FBXL17: variants seen among roughly 807,000 people sequenced by gnomAD.
FBXL17 encodes the protein F-box/LRR-repeat protein 17.
Under a neutral mutation model 66.2 loss-of-function variants are expected in FBXL17, and 22 were observed. That is an observed-to-expected ratio of 0.33 (90% CI 0.24 to 0.47). FBXL17 has a LOEUF of 0.47. Among genes scored for constraint, FBXL17 ranks in the 20% least tolerant of loss-of-function variants. The probability of loss-of-function intolerance (pLI) is 1.00; values close to 1 mark genes in which losing one functional copy is unlikely to be tolerated. For missense variants in FBXL17, 878 were observed against 948.2 expected, an observed-to-expected ratio of 0.93 and a Z score of 0.97; for synonymous variants, 474 against 400.5, an observed-to-expected ratio of 1.18 and a Z score of -2.19.
At chr5:108,342,063 A>C (rs1746917159) in intron 4 of FBXL17, among the ~76,000 whole-genome samples, 1 of 152,072 alleles carries the variant, frequency 6.6e-6, no homozygotes, top group Admixed American at 6.6e-5. Flanking sequence ...ATTCTTCGAC[A>C]CCTCTCACAG....
chr5:107,871,407 C>G (rs1333991494), intron 8 of FBXL17, among the ~76,000 whole-genome samples: 1 of 152,202 alleles, frequency 6.6e-6, no homozygotes, highest in Non-Finnish European at 1.5e-5. Flanking sequence ...GCTTGCTAAC[C>G]TGAAGCCTCT....
chr5:107,975,244 C>G (rs1752533269), intron 7 of FBXL17, among the ~76,000 whole-genome samples: 1 of 152,112 alleles, frequency 6.6e-6, no homozygotes, highest in Admixed American at 6.6e-5. Flanking sequence ...CTCATTAGCA[C>G]ATCCAGGATA....
Position 108,380,963 on chromosome 5 carries a change from G to A in FBXL17, c.729C>T (p.Pro243=). The A allele has an allele frequency of 2.5e-6, 3 of 1,218,348 alleles. No individual in the cohort carries two copies. In the Middle Eastern group the frequency reaches 9.4e-4, roughly 384 times the overall value. The allele number at this position is 1,218,348 out of a possible 1,614,324, so 75.5% of individuals were successfully genotyped here. The part of the protein sequence containing the change: ...AGGGASPPRP[P]DAGCCQAPEQ... ...CCGGGGCCTGGCAGCAGCCGGCGTC[G>A]GGGGGCCGGGGCGGCGAAGCGCCTC... The change falls in exon 1 of 9, where the codon CCC becomes CCT. Residue 243 remains proline, a synonymous_variant. Transcript: ENST00000542267.
chr5:108,338,004 A>G (rs981820301), intron 4 of FBXL17, among the ~76,000 whole-genome samples: 8 of 152,104 alleles, frequency 5.3e-5, no homozygotes, highest in Non-Finnish European at 7.4e-5. Flanking sequence ...ACTGCCTACA[A>G]TTATATATGA....
At chr5:108,071,785 A>G (rs1336974704) in intron 6 of FBXL17, among the ~76,000 whole-genome samples, 1 of 152,072 alleles carries the variant, frequency 6.6e-6, no homozygotes, top group Admixed American at 6.5e-5. Context: ...CCCTGCTTCT[A>G]CATATTTCAC....
chr5:108,058,512 T>A (rs1302592319), intron 6 of FBXL17, among the ~76,000 whole-genome samples: 1 of 151,688 alleles, frequency 6.6e-6, no homozygotes, highest in Non-Finnish European at 1.5e-5. Context: ...TTTGACAGAG[T>A]CTTGCTCTGT....
intron 7 of FBXL17, among the ~76,000 whole-genome samples, chr5:107,966,684 T>C: frequency 6.6e-6 from 1 of 152,112 alleles, no homozygotes; most frequent in East Asian, 1.9e-4. Flanking sequence ...TGTGGTAAAA[T>C]GTATATAACA....
At chr5:107,870,668 C>A (rs1748415293) in intron 8 of FBXL17, among the ~76,000 whole-genome samples, 1 of 151,876 alleles carries the variant, frequency 6.6e-6, no homozygotes, top group South Asian at 2.1e-4. Context: ...TCACTGCAAC[C>A]TCCGCCTCCT....
chr5:108,270,547 A>G lies in FBXL17; in HGVS notation c.1507-46319T>C, dbSNP rs981883483. Among the ~76,000 whole-genome samples the G allele has an allele frequency of 7.3e-5, 11 of 150,896 alleles. No individual in the cohort carries two copies. The South Asian group carries it at 2.3e-3, about 31-fold the overall frequency. ...ACTCTTAGGTTAATAAAAAAAAAAAACATGTTCTCAAGGAAATTTGTCTAG... is the reference window on the plus strand; with the variant it reads ...ACTCTTAGGTTAATAAAAAAAAAAAGCATGTTCTCAAGGAAATTTGTCTAG... On this transcript the variant is annotated intron_variant, in intron 4 of 8. Coordinates refer to ENST00000542267, the MANE Select transcript of FBXL17 (RefSeq NM_001163315.3).
At chr5:108,239,447 TC>T (rs1755754953) in intron 4 of FBXL17, among the ~76,000 whole-genome samples, 1 of 152,146 alleles carries the variant, frequency 6.6e-6, no homozygotes, top group Non-Finnish European at 1.5e-5. Context: ...ACTCAGTGCT[TC>T]CCTGTCATAG....
intron 4 of FBXL17, among the ~76,000 whole-genome samples, chr5:108,280,332 A>G (rs1334703456): frequency 2.0e-5 from 3 of 152,170 alleles, no homozygotes; most frequent in Non-Finnish European, 4.4e-5. Flanking sequence ...TGAATGTGCT[A>G]AAGAAAAACA....
intron 6 of FBXL17, among the ~76,000 whole-genome samples, chr5:108,023,822 C>T (rs4957737): frequency 0.1 from 15,821 of 152,110 alleles, 1,180 homozygotes; most frequent in East Asian, 0.3. Context: ...AGTTAAGAGG[C>T]ATTTATAAAC....
At chr5:108,257,472 G>A (rs569524829) in intron 4 of FBXL17, among the ~76,000 whole-genome samples, 26 of 152,266 alleles carry the variant, frequency 1.7e-4, no homozygotes, top group Admixed American at 1.2e-3. Context: ...GAGAACAAAT[G>A]AGCGAGAGTC....
chr5:108,128,906 A>G (rs1750819688), intron 6 of FBXL17, among the ~76,000 whole-genome samples: 1 of 152,166 alleles, frequency 6.6e-6, no homozygotes, highest in Non-Finnish European at 1.5e-5. Flanking sequence ...CAAAATAACG[A>G]GCCCAACCAA....
intron 5 of FBXL17, among the ~76,000 whole-genome samples, chr5:108,199,033 C>T (rs1448305064): frequency 6.6e-6 from 1 of 152,110 alleles, no homozygotes; most frequent in East Asian, 1.9e-4. Flanking sequence ...TGTAAAACTG[C>T]TCTCTCAACC....
chr5:108,260,833 C>T (rs903160903), intron 4 of FBXL17, among the ~76,000 whole-genome samples: 4 of 152,078 alleles, frequency 2.6e-5, no homozygotes, highest in South Asian at 2.1e-4. Flanking sequence ...CACAAGTTTG[C>T]TATAGTCATT....
At chr5:108,088,292 G>C (rs535725597) in intron 6 of FBXL17, among the ~76,000 whole-genome samples, 38 of 152,272 alleles carry the variant, frequency 2.5e-4, no homozygotes, top group Middle Eastern at 3.4e-3. Flanking sequence ...GGTCACCAAA[G>C]ACATTCAATT....
intron 5 of FBXL17, among the ~76,000 whole-genome samples, chr5:108,196,185 T>C (rs1006978328): frequency 2.7e-5 from 4 of 150,322 alleles, no homozygotes; most frequent in Non-Finnish European, 4.4e-5. Flanking sequence ...AGTAATAAAA[T>C]AGAACACAAA....
chr5:108,099,955 T>C (rs1749537888), intron 6 of FBXL17, among the ~76,000 whole-genome samples: 1 of 152,216 alleles, frequency 6.6e-6, no homozygotes, highest in Non-Finnish European at 1.5e-5. Context: ...TTAGGTTGTC[T>C]GGTGTGGGTT....
Sources: gnomAD v4.1 joint callset for allele counts (sites outside exome capture counted in the v4.1 genomes callset) on GRCh38, gnomAD v4.1.1 for gene constraint, MANE v1.5 for transcripts, NCBI Gene and HGNC (gene_info 2026-07-23, HGNC 2026-07-21) for gene names.